Variants in BACH2 observed in about 807,000 individuals in gnomAD.
BACH2 encodes transcription regulator protein BACH2.
In BACH2, 5 loss-of-function variants were observed where a neutral mutation model predicts 61.8. That is an observed-to-expected ratio of 0.08 (90% confidence interval 0.04 to 0.17). The LOEUF (loss-of-function observed/expected upper bound fraction) is 0.17, where lower values mean the gene tolerates loss of function less well. Among genes scored for constraint, BACH2 ranks in the 10% least tolerant of loss-of-function variants. The probability of loss-of-function intolerance (pLI) is 1.00; values close to 1 mark genes in which losing one functional copy is unlikely to be tolerated. For missense variants in BACH2, 824 were observed against 1,091.1 expected (o/e 0.76, Z 3.45); for synonymous variants, 446 against 440.1 (o/e 1.01, Z -0.17).
intron 4 of BACH2, chr6:90,116,831 G>T: frequency 1.8e-6 from 1 of 563,774 alleles, no homozygotes. Context: ...TTCTCACTAG[G>T]CTGGGATGCC....
chr6:90,085,154 A>G (rs1245827762), intron 5 of BACH2, among the ~76,000 whole-genome samples: 2 of 152,208 alleles, frequency 1.3e-5, no homozygotes, highest in Non-Finnish European at 2.9e-5. Flanking sequence ...AATAATACCC[A>G]TAAGTACAGA....
Position 90,008,997 on chromosome 6 carries a change from C to T in BACH2, c.-12-141G>A, listed in dbSNP as rs942063796. On this transcript the variant is annotated intron_variant, in intron 5 of 8. Coordinates refer to ENST00000257749, the MANE Select transcript of BACH2 (RefSeq NM_021813.4). This position sits in a 1 kb window ranked among gnomAD's most constrained non-coding sequence, Gnocchi z 4.1. ...AGCATGGCAGGAAGGAGGGGAATTA[C>T]CAATCAGCATATTTGTGCTTACTCT... is the stretch of plus-strand genomic sequence containing the variant. The T allele has an allele frequency of 6.9e-6, 7 of 1,013,246 alleles. No individual in the cohort carries two copies. The highest frequency in any genetic ancestry group is 9.9e-6 in the Non-Finnish European group (7 of 710,024). 62.8% of individuals were successfully genotyped at this position (1,013,246 alleles called of 1,614,324 possible). A position where few individuals can be genotyped will look rare whatever the true frequency, so the allele number is the denominator to read the frequency against.
At chr6:90,006,109 C>T (rs1777390135) in intron 6 of BACH2, among the ~76,000 whole-genome samples, 1 of 152,182 alleles carries the variant, frequency 6.6e-6, no homozygotes, top group African/African-American at 2.4e-5. Context: ...ACATTTGTAT[C>T]CCAGTTTCCT....
intron 4 of BACH2, among the ~76,000 whole-genome samples, chr6:90,105,312 TTC>T (rs988037804): frequency 1.3e-5 from 2 of 152,230 alleles, no homozygotes; most frequent in African/African-American, 2.4e-5. Flanking sequence ...AGCCAAATAT[TTC>T]TCTGTTTGGC....
At chr6:89,963,700 G>A (rs1170882693) in intron 6 of BACH2, among the ~76,000 whole-genome samples, 36 of 152,162 alleles carry the variant, frequency 2.4e-4, no homozygotes, top group Non-Finnish European at 8.8e-5. Context: ...AGCAAACCCA[G>A]TTTGGGGGAT....
chr6:90,032,514 AAAAC>A (rs1311684667), intron 5 of BACH2, among the ~76,000 whole-genome samples: 1 of 126,458 alleles, frequency 7.9e-6, no homozygotes, highest in Non-Finnish European at 1.6e-5. Context: ...TTACAAGAAA[AAAAC>A]AAACAACCCC....
intron 4 of BACH2, among the ~76,000 whole-genome samples, chr6:90,134,043 G>A (rs529307271): frequency 2.6e-5 from 4 of 152,112 alleles, no homozygotes; most frequent in Non-Finnish European, 5.9e-5. Context: ...ATAATCCTTT[G>A]GGTATATACC....
At chr6:90,119,533 A>G (rs1348056315) in intron 4 of BACH2, among the ~76,000 whole-genome samples, 1 of 152,228 alleles carries the variant, frequency 6.6e-6, no homozygotes, top group East Asian at 1.9e-4. Context: ...TAAAAGCCTG[A>G]AATTTGAATA....
chr6:89,977,253 A>C (rs1001555558), intron 6 of BACH2, among the ~76,000 whole-genome samples: 1 of 152,190 alleles, frequency 6.6e-6, no homozygotes, highest in Non-Finnish European at 1.5e-5. Flanking sequence ...TTTATGAAAA[A>C]ATATATATTT....
chr6:89,979,888 T>C (rs1454578174), intron 6 of BACH2, among the ~76,000 whole-genome samples: 1 of 152,096 alleles, frequency 6.6e-6, no homozygotes, highest in Non-Finnish European at 1.5e-5. Context: ...CTACCGAAAA[T>C]GTAACCTGCA....
At chr6:90,085,122 C>A (rs1244606269) in intron 5 of BACH2, among the ~76,000 whole-genome samples, 1 of 152,152 alleles carries the variant, frequency 6.6e-6, no homozygotes, top group East Asian at 1.9e-4. Context: ...CACTCACTAA[C>A]CTGTCTGTGA....
At chr6:89,999,576 A>G (rs1343420020) in intron 6 of BACH2, among the ~76,000 whole-genome samples, 1 of 152,208 alleles carries the variant, frequency 6.6e-6, no homozygotes, top group African/African-American at 2.4e-5. Context: ...GTACCTTGGT[A>G]AAGGCCCGGG....
intron 5 of BACH2, among the ~76,000 whole-genome samples, chr6:90,014,099 T>A (rs1386059018): frequency 6.6e-6 from 1 of 152,114 alleles, no homozygotes. Context: ...TTTGCCTTCT[T>A]ATACATTGTT....
At chr6:90,292,602 T>C (rs1177484340) in intron 1 of BACH2, among the ~76,000 whole-genome samples, 1 of 152,178 alleles carries the variant, frequency 6.6e-6, no homozygotes, top group Non-Finnish European at 1.5e-5. Flanking sequence ...TGAAGTTTTG[T>C]TTTTTTGGCA....
intron 6 of BACH2, among the ~76,000 whole-genome samples, chr6:90,005,300 T>A (rs1361535347): frequency 6.6e-6 from 1 of 152,170 alleles, no homozygotes; most frequent in Non-Finnish European, 1.5e-5. Flanking sequence ...GCACAGCGGT[T>A]GGCTGCCAAG....
chr6:89,977,728 T>C (rs1344683312), intron 6 of BACH2, among the ~76,000 whole-genome samples: 1 of 152,160 alleles, frequency 6.6e-6, no homozygotes, highest in African/African-American at 2.4e-5. Context: ...TTACAATTTA[T>C]GTTAGGTTAA....
At chr6:90,019,689 C>A (rs1369002928) in intron 5 of BACH2, among the ~76,000 whole-genome samples, 2 of 152,150 alleles carry the variant, frequency 1.3e-5, no homozygotes, top group African/African-American at 4.8e-5. Flanking sequence ...CATGGCTTAA[C>A]AAAACTGCCC....
At chr6:90,018,365 C>G (rs1364389097) in intron 5 of BACH2, among the ~76,000 whole-genome samples, 1 of 152,226 alleles carries the variant, frequency 6.6e-6, no homozygotes, top group African/African-American at 2.4e-5. Flanking sequence ...AGTCAGCCAG[C>G]TCTTCCTTGG....
At chr6:90,121,840 C>A (rs1160503387) in intron 4 of BACH2, among the ~76,000 whole-genome samples, 1 of 152,148 alleles carries the variant, frequency 6.6e-6, no homozygotes, top group Non-Finnish European at 1.5e-5. Flanking sequence ...GCCACCGTGC[C>A]CGGCCACCTT....
Sources: gnomAD v4.1 joint callset for allele counts (sites outside exome capture counted in the v4.1 genomes callset) on GRCh38, gnomAD v4.1.1 for gene constraint, Gnocchi (gnomAD v3.1) non-coding constraint, MANE v1.5 for transcripts, NCBI Gene and HGNC (gene_info 2026-07-23, HGNC 2026-07-21) for gene names.